The following TPTE variants were observed in gnomAD, a reference collection of about 807,000 sequenced individuals.
TPTE encodes the protein putative tyrosine-protein phosphatase TPTE.
A neutral mutation model predicts 84.1 loss-of-function variants in TPTE; 59 were observed. The observed-to-expected ratio is 0.70, with a 90% CI of 0.57 to 0.87. The LOEUF (loss-of-function observed/expected upper bound fraction) is 0.87. Ranked by LOEUF, TPTE falls within the 40% of genes least tolerant of loss-of-function variation. The pLI, the probability that TPTE is intolerant of heterozygous loss-of-function variation, is 0.00. For synonymous variants in TPTE, 130 were observed against 223.5 expected (o/e 0.58, Z 3.73); for missense variants, 382 against 659.6 (o/e 0.58, Z 4.61).
intron 2 of TPTE, among the ~76,000 whole-genome samples, chr21:10,527,054 C>T (rs2074091534): frequency 1.3e-5 from 2 of 152,300 alleles, no homozygotes; most frequent in Admixed American, 1.3e-4. Context: ...TGTTTATTTC[C>T]TACCAAGGAT....
intron 8 of TPTE, among the ~76,000 whole-genome samples, chr21:10,555,316 C>T (rs1429576528): frequency 2.6e-5 from 4 of 152,308 alleles, no homozygotes; most frequent in African/African-American, 7.2e-5. Flanking sequence ...AAGCGATTCT[C>T]CTGCCTCAGC....
rs565783324 is a variant in TPTE at position 10,570,557 on chromosome 21, T to G, written c.795+8T>G. 1.2e-6 allele frequency: 2 copies of G among 1,614,032 alleles called. No individual in the cohort carries two copies. Among genetic ancestry groups the G allele is most frequent in the East Asian group, 4.5e-5 (2 of 44,836 alleles). ...TATAGAAATCCAATCAAGGTAAGGG[T>G]CTTTATCTGACAAATACTCATTTCT... On this transcript the variant is annotated splice_region_variant and intron_variant, in intron 14 of 23. Transcript: ENST00000618007.
chr21:10,562,168 A>G (rs1362290536), intron 10 of TPTE, among the ~76,000 whole-genome samples: 3 of 152,310 alleles, frequency 2.0e-5, no homozygotes, highest in Admixed American at 2.0e-4. Context: ...TGCAAGAACC[A>G]GAGTTTAGGA....
chr21:10,524,173 AG>A (rs1205150305), intron 1 of TPTE, among the ~76,000 whole-genome samples: 2 of 152,310 alleles, frequency 1.3e-5, no homozygotes, highest in African/African-American at 4.8e-5. Flanking sequence ...TCTCTGAGCA[AG>A]GGAGTCCCAT....
intron 14 of TPTE, among the ~76,000 whole-genome samples, chr21:10,574,836 C>A (rs1384926279): frequency 2.1e-4 from 32 of 152,326 alleles, no homozygotes; most frequent in Middle Eastern, 3.4e-3. Flanking sequence ...GGCTGTGGAT[C>A]TGATACACAG....
chr21:10,522,369 G>A (rs1024784379), intron 1 of TPTE, among the ~76,000 whole-genome samples: 1 of 152,202 alleles, frequency 6.6e-6, no homozygotes, highest in Non-Finnish European at 1.5e-5. Flanking sequence ...GTCTGCGGGG[G>A]TGGGCGGTGG....
At chr21:10,550,203 A>G (rs1364720717) in intron 7 of TPTE, among the ~76,000 whole-genome samples, 2 of 152,306 alleles carry the variant, frequency 1.3e-5, no homozygotes, top group South Asian at 4.1e-4. Flanking sequence ...GATAACCACC[A>G]TCATGAAAAC....
chr21:10,563,383 A>G (rs887552540), intron 10 of TPTE, among the ~76,000 whole-genome samples: 9 of 152,306 alleles, frequency 5.9e-5, no homozygotes, highest in Admixed American at 3.9e-4. Flanking sequence ...ACTATGATGT[A>G]TAAACTACTC....
chr21:10,601,196 G>A (rs1369125788), intron 21 of TPTE, among the ~76,000 whole-genome samples: 36 of 152,246 alleles, frequency 2.4e-4, no homozygotes, highest in African/African-American at 3.1e-4. Flanking sequence ...CTTTTTAAAA[G>A]TGCGGCACTT....
At chr21:10,531,219 C>G (rs1175778971) in intron 3 of TPTE, among the ~76,000 whole-genome samples, 1 of 152,306 alleles carries the variant, frequency 6.6e-6, no homozygotes, top group East Asian at 1.9e-4. Flanking sequence ...AAATTTGATC[C>G]CCAATGTCGG....
chr21:10,553,519 G>A (rs2074620875), intron 8 of TPTE, among the ~76,000 whole-genome samples: 1 of 152,312 alleles, frequency 6.6e-6, no homozygotes. Flanking sequence ...TTTCTGTAAT[G>A]GAGCTGCCCA....
intron 3 of TPTE, 126 bp from the exon 4 acceptor site, chr21:10,538,555 G>T: frequency 7.0e-7 from 1 of 1,421,880 alleles, no homozygotes; most frequent in Middle Eastern, 1.8e-4. Flanking sequence ...GAACCAAATA[G>T]TGCTATACAC....
At chr21:10,585,916 A>T (rs1466735713) in intron 17 of TPTE, among the ~76,000 whole-genome samples, 1 of 152,304 alleles carries the variant, frequency 6.6e-6, no homozygotes, top group Non-Finnish European at 1.5e-5. Context: ...GTCTGCAGAG[A>T]TGTTCCCTTT....
At chr21:10,532,100 A>G (rs1162384572) in intron 3 of TPTE, among the ~76,000 whole-genome samples, 2 of 152,424 alleles carry the variant, frequency 1.3e-5, no homozygotes, top group African/African-American at 2.4e-5. Context: ...TGTAGTAAGT[A>G]TGTCAATATT....
chr21:10,586,755 G>A (rs1418072792), intron 17 of TPTE, among the ~76,000 whole-genome samples: 1 of 152,306 alleles, frequency 6.6e-6, no homozygotes, highest in Non-Finnish European at 1.5e-5. Flanking sequence ...TTTTGTTTAT[G>A]TTGAGCCTGC....
intron 8 of TPTE, among the ~76,000 whole-genome samples, chr21:10,557,390 C>T (rs1447117934): frequency 1.3e-5 from 2 of 152,430 alleles, no homozygotes; most frequent in South Asian, 2.1e-4. Flanking sequence ...TCAGGGTACA[C>T]TGAAACAGAT....
Position 10,605,511 on chromosome 21 carries a change from G to A in TPTE, c.1615G>A (p.Glu539Lys), listed in dbSNP as rs369994889. 1.9e-5 allele frequency: 30 copies of A among 1,614,000 alleles called. No individual in the cohort carries two copies. Among genetic ancestry groups the A allele is most frequent in the African/African-American group, 6.7e-5 (5 of 74,950 alleles). Residue 539 changes from glutamate (E) to lysine (K), a missense_variant, in exon 24 of 24, where the codon GAG (glutamate) becomes AAG (lysine). Around this residue, in one of 10 missense-constraint regions of TPTE, gnomAD observed 120 missense variants for 79.1 expected, o/e 1.52. Transcript: ENST00000618007. ...SDFAVEILFG[E>K]KMTSSDVVAG... ...TTTTGCCGTGGAGATACTTTTTGGCGAGAAAATGACTTCCAGTGATGTTGT... is the reference window on the plus strand; with the variant it reads ...TTTTGCCGTGGAGATACTTTTTGGCAAGAAAATGACTTCCAGTGATGTTGT...
chr21:10,522,002 G>A (rs1489350469), intron 1 of TPTE, among the ~76,000 whole-genome samples: 17 of 152,256 alleles, frequency 1.1e-4, no homozygotes, highest in Middle Eastern at 3.4e-3. Context: ...CTCAGTCCCG[G>A]CCGCCGCCGC....
chr21:10,525,393 C>G (rs1381283279), intron 2 of TPTE, among the ~76,000 whole-genome samples: 4 of 152,296 alleles, frequency 2.6e-5, no homozygotes, highest in Admixed American at 2.6e-4. Flanking sequence ...GGTCCTATCT[C>G]CAGGAACGTT....
Sources: gnomAD v4.1 joint callset for allele counts (sites outside exome capture counted in the v4.1 genomes callset) on GRCh38, gnomAD v4.1.1 for gene constraint, gnomAD v4.1.1 regional missense constraint, MANE v1.5 for transcripts, NCBI Gene and HGNC (gene_info 2026-07-23, HGNC 2026-07-21) for gene names.